AGBL1: variants seen among roughly 807,000 people sequenced by gnomAD.
AGBL1 encodes the protein AGBL carboxypeptidase 1.
A neutral mutation model predicts 118.9 loss-of-function variants in AGBL1; 130 were observed. The ratio of observed to expected loss-of-function variants is 1.09; its 90% CI spans 0.95 to 1.26. AGBL1 has a LOEUF of 1.26. AGBL1 is among the 50% of genes most tolerant of loss of function. The pLI, the probability that AGBL1 is intolerant of heterozygous loss-of-function variation, is 0.00. For synonymous variants in AGBL1, 555 were observed against 478.9 expected (o/e 1.16, Z -2.08); for missense variants, 1,584 against 1,298.1 (o/e 1.22, Z -3.38).
At chr15:86,212,443 G>T (rs1309842785) in intron 5 of AGBL1, among the ~76,000 whole-genome samples, 1 of 152,160 alleles carries the variant, frequency 6.6e-6, no homozygotes, top group Admixed American at 6.5e-5. Flanking sequence ...GGAAAAGTTT[G>T]CTAGCTGGGA....
At chr15:86,627,238 G>A (rs2142426318) in intron 21 of AGBL1, among the ~76,000 whole-genome samples, 1 of 152,276 alleles carries the variant, frequency 6.6e-6, no homozygotes, top group South Asian at 2.1e-4. Flanking sequence ...GACCTCAGGT[G>A]ATTCGCCCAC....
chr15:86,760,482 G>T (rs537133091), intron 22 of AGBL1, among the ~76,000 whole-genome samples: 1 of 152,044 alleles, frequency 6.6e-6, no homozygotes, highest in African/African-American at 2.4e-5. Flanking sequence ...AACCACAGAA[G>T]GGGTGAGGGA....
intron 21 of AGBL1, among the ~76,000 whole-genome samples, chr15:86,598,738 C>G (rs2084446825): frequency 6.6e-6 from 1 of 152,074 alleles, no homozygotes; most frequent in Non-Finnish European, 1.5e-5. Context: ...TGCACCTATA[C>G]TAAGGATATT....
chr15:86,802,832 T>G (rs2078668687), intron 22 of AGBL1, among the ~76,000 whole-genome samples: 1 of 152,198 alleles, frequency 6.6e-6, no homozygotes, highest in South Asian at 2.1e-4. Flanking sequence ...TTACTTTACG[T>G]TGCAATTGTC....
chr15:86,310,859 T>C (rs2079910381), intron 17 of AGBL1, among the ~76,000 whole-genome samples: 1 of 152,202 alleles, frequency 6.6e-6, no homozygotes, highest in Non-Finnish European at 1.5e-5. Context: ...TTCAAACGTA[T>C]GTGAGGATTT....
intron 24 of AGBL1, among the ~76,000 whole-genome samples, chr15:87,009,444 G>C (rs58612711): frequency 0.099 from 15,081 of 152,270 alleles, 1,333 homozygotes; most frequent in African/African-American, 0.23. Flanking sequence ...GCAGAAGTTT[G>C]CTGCAGGAGC....
intron 23 of AGBL1, among the ~76,000 whole-genome samples, chr15:86,984,190 A>G (rs1264964451): frequency 6.6e-6 from 1 of 152,136 alleles, no homozygotes; most frequent in African/African-American, 2.4e-5. Flanking sequence ...GGCTTAGTTC[A>G]AAGTTTTGTT....
rs139267052 is a variant in AGBL1 at position 86,711,690 on chromosome 15, C to T, written c.3158+37254C>T. On this transcript the variant is annotated intron_variant, in intron 22 of 22. Transcript: ENST00000614907. ...CCACTGGTTAAGTCCAGCCTATGAC[C>T]TGTTTTGAATGGCCTACAAAGACAG... Among the ~76,000 whole-genome samples, 235 of 152,234 alleles carry T rather than the reference C, an allele frequency of 1.5e-3. 1 individual carries two copies. Among genetic ancestry groups the T allele is most frequent in the African/African-American group, 5.4e-3 (225 of 41,542 alleles).
intron 5 of AGBL1, among the ~76,000 whole-genome samples, chr15:86,181,595 A>T (rs567854090): frequency 1.1e-3 from 169 of 152,078 alleles, no homozygotes; most frequent in African/African-American, 3.9e-3. Flanking sequence ...CATTATCTAG[A>T]TTGTGGTGAT....
At chr15:86,783,318 T>C (rs2078360265) in intron 22 of AGBL1, among the ~76,000 whole-genome samples, 1 of 152,246 alleles carries the variant, frequency 6.6e-6, no homozygotes, top group Non-Finnish European at 1.5e-5. Context: ...ATCTGTTCTG[T>C]AATTAATGTT....
intron 22 of AGBL1, among the ~76,000 whole-genome samples, chr15:86,742,959 T>TG (rs2077701189): frequency 6.6e-6 from 1 of 152,040 alleles, no homozygotes; most frequent in Non-Finnish European, 1.5e-5. Context: ...GTGGACGCTG[T>TG]GGGGGTAATA....
chr15:86,522,673 GA>G (rs2142200693), intron 18 of AGBL1, 136 bp from the exon 19 acceptor site: 2 of 1,133,566 alleles, frequency 1.8e-6, no homozygotes, highest in East Asian at 5.2e-5. Context: ...CTAGACATCT[GA>G]AATTGATGCC....
rs191074061 is a variant in AGBL1 at position 86,536,921 on chromosome 15, C to T, written c.2686-9081C>T. On this transcript the variant is annotated intron_variant, in intron 19 of 22. Coordinates refer to ENST00000614907, the MANE Select transcript of AGBL1 (RefSeq NM_001386094.1). Reference sequence around the variant, plus strand: ...GCTTCCGATGAAGACACGGAAGAGACTTGTGCATGTCTGAAGAAAACTAAT... The same window carrying T: ...GCTTCCGATGAAGACACGGAAGAGATTTGTGCATGTCTGAAGAAAACTAAT... Among the ~76,000 whole-genome samples the T allele has an allele frequency of 1.7e-4, 26 of 152,294 alleles. No homozygotes were observed. In the East Asian group the frequency reaches 3.9e-3, roughly 23 times the overall value.
intron 22 of AGBL1, among the ~76,000 whole-genome samples, chr15:86,803,926 G>A (rs749610699): frequency 6.6e-6 from 1 of 152,058 alleles, no homozygotes; most frequent in Non-Finnish European, 1.5e-5. Flanking sequence ...AGAATTACTT[G>A]GCTCATTGTA....
chr15:86,144,377 T>C (rs1242317370), intron 3 of AGBL1, among the ~76,000 whole-genome samples: 1 of 152,186 alleles, frequency 6.6e-6, no homozygotes, highest in Non-Finnish European at 1.5e-5. Context: ...CATTTGTTCA[T>C]TGCAGCACTA....
intron 22 of AGBL1, among the ~76,000 whole-genome samples, chr15:86,714,087 G>A (rs2086601950): frequency 6.6e-6 from 1 of 152,170 alleles, no homozygotes; most frequent in African/African-American, 2.4e-5. Flanking sequence ...TGAGGCATAG[G>A]AGTTATAAAT....
chr15:86,413,547 C>CT (rs2081650096), intron 18 of AGBL1, among the ~76,000 whole-genome samples: 1 of 152,080 alleles, frequency 6.6e-6, no homozygotes, highest in African/African-American at 2.4e-5. Context: ...ATTTTTTAAT[C>CT]TTTTTAATAG....
intron 23 of AGBL1, among the ~76,000 whole-genome samples, chr15:86,936,229 A>AGTGT (rs1473166644): frequency 2.1e-5 from 3 of 140,660 alleles, no homozygotes; most frequent in African/African-American, 8.2e-5. Context: ...TGTAAACAGC[A>AGTGT]GTGTGTATGT....
intron 17 of AGBL1, among the ~76,000 whole-genome samples, chr15:86,331,013 C>A (rs1462985442): frequency 6.6e-6 from 1 of 152,044 alleles, no homozygotes; most frequent in Non-Finnish European, 1.5e-5. Context: ...ATCATGATGT[C>A]AGGAGTTCGA....
Sources: gnomAD v4.1 joint callset for allele counts (sites outside exome capture counted in the v4.1 genomes callset) on GRCh38, gnomAD v4.1.1 for gene constraint, MANE v1.5 for transcripts, NCBI Gene and HGNC (gene_info 2026-07-23, HGNC 2026-07-21) for gene names.